The following TTC23 variants were observed in gnomAD, a reference collection of about 807,000 sequenced individuals.
TTC23 encodes the protein tetratricopeptide repeat domain 23, also known as tetratricopeptide repeat protein 23.
In TTC23, 58 loss-of-function variants were observed where a neutral mutation model predicts 55.1. The ratio of observed to expected loss-of-function variants is 1.05; its 90% confidence interval spans 0.85 to 1.31. The LOEUF (loss-of-function observed/expected upper bound fraction) is 1.31. Among genes scored for constraint, TTC23 ranks in the 50% most tolerant of loss-of-function variants. The probability of loss-of-function intolerance (pLI) is 0.00; values close to 1 mark genes in which losing one functional copy is unlikely to be tolerated. For missense variants in TTC23, 516 were observed against 534.4 expected (o/e 0.97, Z 0.34); for synonymous variants, 203 against 199.9 (o/e 1.02, Z -0.13).
intron 12 of TTC23, chr15:99,141,072 A>T (rs1182902659): frequency 6.6e-6 from 1 of 152,200 alleles, no homozygotes. Context: ...GACTGCAAAA[A>T]CTACCAAGTT....
intron 12 of TTC23, among the ~76,000 whole-genome samples, chr15:99,153,902 G>A (rs1670220): frequency 0.33 from 49,629 of 152,088 alleles, 9,794 homozygotes; most frequent in African/African-American, 0.56. Context: ...ATAATGGGAA[G>A]ATAACTGTTA....
intron 8 of TTC23, among the ~76,000 whole-genome samples, chr15:99,202,487 G>A: frequency 6.6e-6 from 1 of 152,058 alleles, no homozygotes; most frequent in South Asian, 2.1e-4. Flanking sequence ...GCTCATAAAT[G>A]AGCAAAAAAG....
At chr15:99,208,393 T>C (rs949942066) in intron 8 of TTC23, among the ~76,000 whole-genome samples, 3 of 152,198 alleles carry the variant, frequency 2.0e-5, no homozygotes, top group Non-Finnish European at 2.9e-5. Context: ...GAAGAATGCA[T>C]AACAAGCTTC....
intron 9 of TTC23, among the ~76,000 whole-genome samples, chr15:99,176,944 C>T (rs1470262283): frequency 2.0e-5 from 3 of 152,156 alleles, no homozygotes; most frequent in African/African-American, 7.2e-5. Context: ...TTGATGCCAG[C>T]ACACTCCTCA....
intron 4 of TTC23, among the ~76,000 whole-genome samples, chr15:99,229,099 C>T (rs914818807): frequency 2.1e-5 from 3 of 143,516 alleles, no homozygotes; most frequent in African/African-American, 7.8e-5. Context: ...TATATAAAGT[C>T]CAGTAGAAAT....
At chr15:99,239,585 C>A (rs957033307) in intron 3 of TTC23, among the ~76,000 whole-genome samples, 1 of 152,196 alleles carries the variant, frequency 6.6e-6, no homozygotes, top group South Asian at 2.1e-4. Flanking sequence ...TTGCCTACAC[C>A]CTGTTGTACA....
chr15:99,215,496 G>A (rs2077404829), intron 8 of TTC23, among the ~76,000 whole-genome samples: 1 of 152,162 alleles, frequency 6.6e-6, no homozygotes, highest in South Asian at 2.1e-4. Context: ...TGTAATCCCA[G>A]CATTTTGGGA....
chr15:99,200,498 A>G (rs1360144019), intron 8 of TTC23, among the ~76,000 whole-genome samples: 1 of 152,264 alleles, frequency 6.6e-6, no homozygotes, highest in African/African-American at 2.4e-5. Flanking sequence ...TAAATACTTT[A>G]CAAAACAATG....
chr15:99,145,576 AGGTGGT>A (rs1228152338), intron 12 of TTC23, among the ~76,000 whole-genome samples: 3 of 114,282 alleles, frequency 2.6e-5, no homozygotes, highest in Non-Finnish European at 5.4e-5. Flanking sequence ...GGATGGGGGG[AGGTGGT>A]GGTGGTGGTG....
intron 5 of TTC23, among the ~76,000 whole-genome samples, chr15:99,225,039 G>A (rs2078276760): frequency 6.6e-6 from 1 of 152,146 alleles, no homozygotes; most frequent in Non-Finnish European, 1.5e-5. Flanking sequence ...CAACATCATG[G>A]AATCCAGACA....
chr15:99,216,900 G>C (rs1446443693), intron 8 of TTC23, among the ~76,000 whole-genome samples: 1 of 152,190 alleles, frequency 6.6e-6, no homozygotes, highest in Non-Finnish European at 1.5e-5. Flanking sequence ...CAGAAAAAGT[G>C]TCACTTAGCC....
chr15:99,145,461 A>G (rs2068733244), intron 12 of TTC23: 1 of 152,026 alleles, frequency 6.6e-6, no homozygotes, highest in South Asian at 2.1e-4. Flanking sequence ...TAGCTGGGCC[A>G]GCAGAGGCCT....
intron 12 of TTC23, among the ~76,000 whole-genome samples, chr15:99,152,490 C>A (rs1302569249): frequency 1.3e-5 from 2 of 152,004 alleles, no homozygotes; most frequent in African/African-American, 4.8e-5. Flanking sequence ...GACTCTCCTG[C>A]CTCAGCCTCC....
rs78552448 is a variant in TTC23 at position 99,143,429 on chromosome 15, C to T, written c.1144-4030G>A. ...CTGGAGCCAGGCATTGTAAACATGT[C>T]GCTGAGCTAAGTAAAGAACTCGCCA... is the stretch of plus-strand genomic sequence containing the variant. On this transcript the variant is annotated intron_variant, in intron 12 of 13. Transcript: ENST00000394132. Among the ~76,000 whole-genome samples, 19 of 152,282 alleles carry T rather than the reference C, an allele frequency of 1.2e-4. No homozygotes were observed. The East Asian group carries it at 2.7e-3, about 22-fold the overall frequency.
intron 9 of TTC23, among the ~76,000 whole-genome samples, chr15:99,194,552 C>CAAA (rs760038465): frequency 8.2e-4 from 33 of 40,436 alleles, no homozygotes; most frequent in Non-Finnish European, 1.0e-3. Flanking sequence ...ACATCACGTG[C>CAAA]AAAAAAAAAA....
intron 5 of TTC23, 134 bp from the exon 6 acceptor site, chr15:99,221,998 G>T: frequency 1.0e-6 from 1 of 996,884 alleles, no homozygotes; most frequent in Non-Finnish European, 1.4e-6. Context: ...AAGCACTTGA[G>T]ATGTATCAGA....
upstream of TTC23, among the ~76,000 whole-genome samples, chr15:99,250,481 T>A (rs758189226): frequency 2.0e-5 from 3 of 152,174 alleles, no homozygotes; most frequent in Non-Finnish European, 4.4e-5. Context: ...TAGACAGGCT[T>A]TCCACAGAAC....
chr15:99,225,614 A>G (rs1366316075), intron 5 of TTC23, among the ~76,000 whole-genome samples: 1 of 152,238 alleles, frequency 6.6e-6, no homozygotes, highest in Non-Finnish European at 1.5e-5. Context: ...ACTGATAGGA[A>G]TAAATGAATG....
intron 4 of TTC23, among the ~76,000 whole-genome samples, chr15:99,230,790 A>G (rs1486602940): frequency 6.6e-6 from 1 of 152,224 alleles, no homozygotes; most frequent in Non-Finnish European, 1.5e-5. Context: ...ACAAAATTTT[A>G]AATAATTAAT....
Sources: allele counts gnomAD v4.1 joint callset (sites outside exome capture counted in the v4.1 genomes callset), GRCh38; gene constraint gnomAD v4.1.1; transcripts MANE v1.5; gene names NCBI Gene and HGNC (gene_info 2026-07-23, HGNC 2026-07-21).